NXPE3: variants seen among roughly 807,000 people sequenced by gnomAD.
NXPE3 encodes the protein neurexophilin and PC-esterase domain family member 3, also known as NXPE family member 3.
A neutral mutation model predicts 46.1 loss-of-function variants in NXPE3; 26 were observed. That is an observed-to-expected ratio of 0.56 (90% CI 0.41 to 0.78). The LOEUF (loss-of-function observed/expected upper bound fraction) is 0.78, where lower values mean the gene tolerates loss of function less well. Ranked by LOEUF, NXPE3 falls within the 30% of genes least tolerant of loss-of-function variation. The pLI is 0.00. For synonymous variants in NXPE3, 272 were observed against 257.9 expected (o/e 1.05, Z -0.52); for missense variants, 620 against 686.0 (o/e 0.90, Z 1.07).
rs936489077 is a variant in NXPE3, at chr3:101,788,217, GTTGT to G, written c.93+2539_93+2542del. ...ATTCCGGTACTCACTGTTTAACGGAGTTGTTTGTTTGTTTTTTGTTGTTGTTGAG... is the reference window on the plus strand; with the variant it reads ...ATTCCGGTACTCACTGTTTAACGGAGTTGTTTGTTTTTTGTTGTTGTTGAG... On this transcript the variant is annotated intron_variant, in intron 4 of 7. Coordinates refer to ENST00000273347, the MANE Select transcript of NXPE3 (RefSeq NM_145037.4). Among the ~76,000 whole-genome samples the G allele has an allele frequency of 5.9e-5, 9 of 152,236 alleles. No individual in the cohort carries two copies. The East Asian group carries it at 7.7e-4, about 13-fold the overall frequency.
At chr3:101,790,665 T>C (rs1437045821) in intron 4 of NXPE3, among the ~76,000 whole-genome samples, 2 of 152,192 alleles carry the variant, frequency 1.3e-5, no homozygotes, top group East Asian at 3.8e-4. Flanking sequence ...TGACCATGGC[T>C]CACCACAACC....
At position 101,816,892 on chromosome 3, in the gene NXPE3, G is replaced by A. The variant is rs368222976; in HGVS notation, c.1020G>A (p.Gln340=). ...QWRPRKFKMR[Q]FNDPDNITEC... The stretch of plus-strand genomic sequence containing the variant: ...GGCCCAGAAAGTTTAAGATGCGTCA[G>A]TTTAATGACCCTGACAACATTACAG... The change falls in exon 7 of 8, where the codon CAG becomes CAA. Residue 340 remains glutamine, a synonymous_variant. Coordinates refer to ENST00000273347, the MANE Select transcript of NXPE3 (RefSeq NM_145037.4). 2.5e-6 allele frequency: 4 copies of A among 1,614,020 alleles called. No individual in the cohort carries two copies. In the African/African-American group the frequency reaches 5.3e-5, roughly 22 times the overall value.
chr3:101,781,510 G>A (rs1939821750), intron 1 of NXPE3, among the ~76,000 whole-genome samples: 1 of 152,318 alleles, frequency 6.6e-6, no homozygotes. Context: ...AGTTAGATTG[G>A]CCACTATGAG....
At chr3:101,816,582 C>G (rs1301156368) in intron 6 of NXPE3, among the ~76,000 whole-genome samples, 1 of 152,096 alleles carries the variant, frequency 6.6e-6, no homozygotes, top group African/African-American at 2.4e-5. Context: ...TCATCCATGT[C>G]CCTGCAAAGG....
chr3:101,794,651 CACAA>C (rs1413527584), intron 4 of NXPE3, among the ~76,000 whole-genome samples: 1 of 152,072 alleles, frequency 6.6e-6, no homozygotes, highest in African/African-American at 2.4e-5. Context: ...ATATTCAACA[CACAA>C]AGTATTATAA....
chr3:101,810,594 G>C (rs1340055992), intron 6 of NXPE3, among the ~76,000 whole-genome samples: 3 of 152,174 alleles, frequency 2.0e-5, no homozygotes, highest in Non-Finnish European at 2.9e-5. Context: ...GCCCTTAACA[G>C]GGGCCATGTT....
intron 6 of NXPE3, among the ~76,000 whole-genome samples, chr3:101,813,330 GC>G (rs1941810749): frequency 6.6e-6 from 1 of 152,146 alleles, no homozygotes; most frequent in Non-Finnish European, 1.5e-5. Flanking sequence ...CAGGTTTGCT[GC>G]ACATCTCACC....
In NXPE3 at chr3:101,806,656, T is replaced by C. The variant is rs868483239; in HGVS notation, c.849-397T>C. 4.6e-5 allele frequency among the ~76,000 whole-genome samples: 7 copies of C among 152,264 alleles called. No homozygotes were observed. The Middle Eastern group carries it at 0.017, about 370-fold the overall frequency. On this transcript the variant is annotated intron_variant, in intron 5 of 7. Transcript: ENST00000273347. ...ACTCCTGTCAGATCTGGAAAAGGCC[T>C]GAGGAATCTGATACATGACTTAATG...
chr3:101,791,944 C>T (rs1003950526), intron 4 of NXPE3, among the ~76,000 whole-genome samples: 2 of 152,136 alleles, frequency 1.3e-5, no homozygotes, highest in Non-Finnish European at 2.9e-5. Context: ...TCAACATTGC[C>T]AGCATCTGTT....
chr3:101,786,307 T>G (rs1169619515), intron 4 of NXPE3, among the ~76,000 whole-genome samples: 1 of 152,246 alleles, frequency 6.6e-6, no homozygotes, highest in African/African-American at 2.4e-5. Flanking sequence ...TCCTTTTGTT[T>G]TGTTGGCTTG....
rs749556053 is a variant in NXPE3 at position 101,816,830 on chromosome 3, A to T, written c.958A>T (p.Thr320Ser). The stretch of plus-strand genomic sequence containing the variant: ...TCTAGAACTATCTCAAGGCTCAGGA[A>T]CTTTTCCTTCTGGGTATTATTATAA... ...NSLELSQGSGTFPSGYYYKDQ... is the reference protein window; with the variant it reads ...NSLELSQGSGSFPSGYYYKDQ... The change falls in exon 7 of 8, where the codon ACT becomes TCT. Residue 320 changes from threonine to serine, a missense_variant. By Grantham distance (58) the Thr-to-Ser change is moderately conservative. Around this residue, in one of 3 missense-constraint regions of NXPE3, gnomAD observed 511 missense variants for 528.6 expected, o/e 0.97. Transcript: ENST00000273347. 6.2e-7 allele frequency: 1 copy of T among 1,614,076 alleles called. No homozygotes were observed. Among genetic ancestry groups the T allele is most frequent in the Non-Finnish European group, 8.5e-7 (1 of 1,179,974 alleles).
Position 101,816,938 on chromosome 3 carries a change from G to C in NXPE3, c.1066G>C (p.Val356Leu), listed in dbSNP as rs765071057. 6.2e-7 allele frequency: 1 copy of C among 1,614,000 alleles called. No homozygotes were observed. The highest frequency in any genetic ancestry group is 1.1e-5 in the South Asian group (1 of 91,086). The change falls in exon 7 of 8, where the codon GTG (valine) becomes CTG (leucine). Residue 356 changes from valine to leucine, a missense_variant. This residue lies in a region of NXPE3 where 511 missense variants were observed against 528.6 expected (regional missense o/e 0.97). Transcript: ENST00000273347. ...TACAGAGTGCTTACAAAGAAAAGTG[G>C]TGCATTTATTTGGTGACTCAACAAT... ...NITECLQRKV[V>L]HLFGDSTIRQ...
At chr3:101,812,811 C>CAAAAAAA (rs57029374) in intron 6 of NXPE3, among the ~76,000 whole-genome samples, 11 of 58,716 alleles carry the variant, frequency 1.9e-4, no homozygotes, top group African/African-American at 2.6e-4. Context: ...GACTCCGTCT[C>CAAAAAAA]AAAAAAAAAA....
Position 101,828,230 on chromosome 3 carries a change from A to T in NXPE3, c.*6276A>T, listed in dbSNP as rs181198842. The T allele has an allele frequency of 6.6e-6, 1 of 151,998 alleles. No individual in the cohort carries two copies. The highest frequency in any genetic ancestry group is 2.4e-5 in the African/African-American group (1 of 41,278). The allele number at this position is 151,998 out of a possible 1,614,324, so 9.4% of individuals were successfully genotyped here. ...ATTTTATTAAAATATCTTAAATGGTAAGATTTTTTTTTTCTTTTTCTTTCC... is the reference window on the plus strand; with the variant it reads ...ATTTTATTAAAATATCTTAAATGGTTAGATTTTTTTTTTCTTTTTCTTTCC... On this transcript the variant is annotated 3_prime_UTR_variant, in exon 8 of 8. Coordinates refer to ENST00000273347, the MANE Select transcript of NXPE3 (RefSeq NM_145037.4).
At chr3:101,819,800 T>A (rs1044589258) in intron 7 of NXPE3, among the ~76,000 whole-genome samples, 1 of 152,224 alleles carries the variant, frequency 6.6e-6, no homozygotes, top group South Asian at 2.1e-4. Flanking sequence ...TTGAAATATA[T>A]GATACATGAT....
chr3:101,816,770 A>G, intron 6 of NXPE3, 25 bp from the exon 7 acceptor site: 1 of 1,547,912 alleles, frequency 6.5e-7, no homozygotes, highest in Non-Finnish European at 8.9e-7. Context: ...ATATTAAAAT[A>G]TTTGTTTTTC....
chr3:101,814,498 T>C lies in NXPE3; in HGVS notation c.923-2297T>C, dbSNP rs144822496. Among the ~76,000 whole-genome samples the C allele has an allele frequency of 5.0e-3, 756 of 152,308 alleles. 9 individuals are homozygous for C. Among genetic ancestry groups the C allele is most frequent in the African/African-American group, 0.017 (702 of 41,556 alleles). The stretch of plus-strand genomic sequence containing the variant: ...ATGCCGAAGAAAAAAAGATTAGATA[T>C]GCACTCTGTGTCAAATAGAACATCA... On this transcript the variant is annotated intron_variant, in intron 6 of 7. Coordinates refer to ENST00000273347, the MANE Select transcript of NXPE3 (RefSeq NM_145037.4).
chr3:101,795,574 G>A (rs1940784897), intron 4 of NXPE3, among the ~76,000 whole-genome samples: 1 of 150,600 alleles, frequency 6.6e-6, no homozygotes, highest in South Asian at 2.1e-4. Flanking sequence ...ACAATATCTA[G>A]CAAAAGATTG....
chr3:101,814,942 A>G (rs1941903687), intron 6 of NXPE3, among the ~76,000 whole-genome samples: 1 of 152,172 alleles, frequency 6.6e-6, no homozygotes, highest in African/African-American at 2.4e-5. Context: ...ACCTTGGTCA[A>G]GTTGTTTAGC....
Sources: allele counts gnomAD v4.1 joint callset (sites outside exome capture counted in the v4.1 genomes callset), GRCh38; gene constraint gnomAD v4.1.1; regional missense constraint gnomAD v4.1.1; transcripts MANE v1.5; gene names NCBI Gene and HGNC (gene_info 2026-07-23, HGNC 2026-07-21).